NRXN3: variants seen among roughly 807,000 people sequenced by gnomAD.
The protein encoded by NRXN3 is neurexin III.
In NRXN3, 32 loss-of-function variants were observed where a neutral mutation model predicts 137.6. That is an observed-to-expected ratio of 0.23 (90% CI 0.18 to 0.31). The LOEUF (loss-of-function observed/expected upper bound fraction) is 0.31, where lower values mean the gene tolerates loss of function less well. Among genes scored for constraint, NRXN3 ranks in the 10% least tolerant of loss-of-function variants. The probability of loss-of-function intolerance (pLI) is 1.00; values close to 1 mark genes in which losing one functional copy is unlikely to be tolerated. For missense variants in NRXN3, 1,574 were observed against 2,062.5 expected (o/e 0.76, Z 4.59); for synonymous variants, 798 against 784.5 (o/e 1.02, Z -0.29).
chr14:78,878,992 A>G (rs935228679), intron 10 of NRXN3, among the ~76,000 whole-genome samples: 1 of 152,096 alleles, frequency 6.6e-6, no homozygotes, highest in Admixed American at 6.6e-5. Context: ...ACTTAACATA[A>G]TATCCTCAAG....
At chr14:78,929,593 T>C (rs1391283171) in intron 10 of NRXN3, among the ~76,000 whole-genome samples, 1 of 152,176 alleles carries the variant, frequency 6.6e-6, no homozygotes, top group African/African-American at 2.4e-5. Context: ...ATCAAGTCTA[T>C]CGTTAATGGG....
intron 15 of NRXN3, among the ~76,000 whole-genome samples, chr14:79,217,020 C>T (rs570571708): frequency 1.3e-5 from 2 of 152,124 alleles, no homozygotes; most frequent in East Asian, 3.9e-4. Flanking sequence ...GCCTGTAGTC[C>T]CAGCTACCCG....
intron 4 of NRXN3, among the ~76,000 whole-genome samples, chr14:78,427,367 TGCCTGGTTCCATG>T (rs1341722608): frequency 1.3e-5 from 2 of 151,956 alleles, no homozygotes; most frequent in Non-Finnish European, 2.9e-5. Context: ...AGGAGGGAGG[TGCCTGGTTCCATG>T]GCAGAGCAGG....
At chr14:78,267,063 T>C (rs2071875411) in intron 2 of NRXN3, among the ~76,000 whole-genome samples, 1 of 152,196 alleles carries the variant, frequency 6.6e-6, no homozygotes, top group African/African-American at 2.4e-5. Flanking sequence ...TAAAGTTCTT[T>C]CTATCCCAGG....
At chr14:79,730,188 G>A (rs1004868269) in intron 19 of NRXN3, among the ~76,000 whole-genome samples, 1 of 152,040 alleles carries the variant, frequency 6.6e-6, no homozygotes, top group African/African-American at 2.4e-5. Flanking sequence ...TTTTGACAAG[G>A]TGCCAAAAAT....
chr14:79,153,417 AAGAG>A (rs2153039594), intron 15 of NRXN3, among the ~76,000 whole-genome samples: 1 of 152,078 alleles, frequency 6.6e-6, no homozygotes, highest in South Asian at 2.1e-4. Context: ...GAGAGAGAGA[AAGAG>A]AGAGAAAGAA....
chr14:79,758,806 A>C (rs1363614196), intron 19 of NRXN3, among the ~76,000 whole-genome samples: 1 of 152,208 alleles, frequency 6.6e-6, no homozygotes, highest in Non-Finnish European at 1.5e-5. Context: ...ACTGTTGTCC[A>C]ACCACACAAG....
chr14:78,651,432 A>G (rs2097741699), intron 6 of NRXN3, 106 bp downstream of exon 6: 2 of 1,274,634 alleles, frequency 1.6e-6, no homozygotes, highest in South Asian at 2.9e-5. Context: ...CTATGAGATG[A>G]TAGATTGCAG....
At chr14:79,138,265 C>T (rs557272248) in intron 15 of NRXN3, among the ~76,000 whole-genome samples, 77 of 152,204 alleles carry the variant, frequency 5.1e-4, no homozygotes, top group African/African-American at 1.7e-3. Context: ...ATGATCCTTA[C>T]GCCTCATCCT....
intron 19 of NRXN3, among the ~76,000 whole-genome samples, chr14:79,785,709 C>T (rs1433336978): frequency 6.6e-6 from 1 of 151,964 alleles, no homozygotes; most frequent in African/African-American, 2.4e-5. Context: ...TTTTGGTTTT[C>T]CCCAAAGCAT....
chr14:78,770,766 A>G (rs1434815565), intron 8 of NRXN3, among the ~76,000 whole-genome samples: 6 of 152,206 alleles, frequency 3.9e-5, no homozygotes, highest in African/African-American at 7.2e-5. Flanking sequence ...GAGAGGAGGA[A>G]CAAAGTAAGT....
chr14:79,849,356 C>A (rs920601486), intron 20 of NRXN3, among the ~76,000 whole-genome samples: 1 of 152,140 alleles, frequency 6.6e-6, no homozygotes. Context: ...AACCATATAT[C>A]TAGTAAGGGG....
chr14:79,485,779 T>G (rs971985052), intron 16 of NRXN3, among the ~76,000 whole-genome samples: 2 of 152,094 alleles, frequency 1.3e-5, no homozygotes, highest in African/African-American at 2.4e-5. Flanking sequence ...ATAGACAAAA[T>G]GGTAGAAAAA....
intron 4 of NRXN3, among the ~76,000 whole-genome samples, chr14:78,474,029 A>G (rs747933481): frequency 3.9e-5 from 6 of 152,202 alleles, no homozygotes; most frequent in Non-Finnish European, 5.9e-5. Flanking sequence ...GGGGCCTACA[A>G]CAAGGGCATG....
intron 10 of NRXN3, among the ~76,000 whole-genome samples, chr14:78,826,325 T>C (rs547596054): frequency 3.8e-4 from 58 of 152,184 alleles, no homozygotes; most frequent in Middle Eastern, 6.8e-3. Flanking sequence ...ATTCTTTGTG[T>C]GGAGGCAGAA....
At chr14:79,375,260 A>C (rs763855688) in intron 15 of NRXN3, among the ~76,000 whole-genome samples, 1 of 146,036 alleles carries the variant, frequency 6.8e-6, no homozygotes, top group Admixed American at 6.9e-5. Context: ...TTCCTTAAAC[A>C]CAAAACTACA....
rs950345414 is a variant in NRXN3 at position 79,360,164 on chromosome 14, C to T, written c.3263-107057C>T. ...ATTAATGTATTACGGGAATTGTAAC[C>T]GTAGCTTCCTCCCAACTCCCATTAA... On this transcript the variant is annotated intron_variant, in intron 15 of 20. Transcript: ENST00000335750. Among the ~76,000 whole-genome samples the T allele has an allele frequency of 4.6e-5, 7 of 152,294 alleles. No individual in the cohort carries two copies. The South Asian group carries it at 1.5e-3, about 32-fold the overall frequency.
At position 78,541,485 on chromosome 14, in the gene NRXN3, C is replaced by T. The variant is rs548595261; in HGVS notation, c.758-103635C>T. Among the ~76,000 whole-genome samples, 10 of 152,312 alleles carry T rather than the reference C, an allele frequency of 6.6e-5. No homozygotes were observed. In the East Asian group the frequency reaches 9.6e-4, roughly 15 times the overall value. The stretch of plus-strand genomic sequence containing the variant: ...TCCATCAGGTCATTTAAGGTCTTCT[C>T]TCACTGTTTGTTCTAGTTAGCCATT... On this transcript the variant is annotated intron_variant, in intron 4 of 20. Coordinates refer to ENST00000335750, the MANE Select transcript of NRXN3 (RefSeq NM_001330195.2).
intron 4 of NRXN3, among the ~76,000 whole-genome samples, chr14:78,519,276 C>A (rs2096253999): frequency 6.6e-6 from 1 of 152,150 alleles, no homozygotes; most frequent in African/African-American, 2.4e-5. Flanking sequence ...CTCTACCCAT[C>A]ATCCTGCTTC....
Sources: gnomAD v4.1 joint callset for allele counts (sites outside exome capture counted in the v4.1 genomes callset) on GRCh38, gnomAD v4.1.1 for gene constraint, MANE v1.5 for transcripts, NCBI Gene and HGNC (gene_info 2026-07-23, HGNC 2026-07-21) for gene names.